Variants in IMMP2L observed in about 807,000 individuals in gnomAD.
IMMP2L encodes the protein inner mitochondrial membrane peptidase subunit 2.
A neutral mutation model predicts 19.3 loss-of-function variants in IMMP2L; 18 were observed. The ratio of observed to expected loss-of-function variants is 0.93; its 90% CI spans 0.64 to 1.38. The LOEUF (loss-of-function observed/expected upper bound fraction) is 1.38, where lower values mean the gene tolerates loss of function less well. Among genes scored for constraint, IMMP2L ranks in the 40% most tolerant of loss-of-function variants. IMMP2L has a pLI of 0.00. For missense variants in IMMP2L, 233 were observed against 218.2 expected, an observed-to-expected ratio of 1.07 and a Z score of -0.43; for synonymous variants, 76 against 73.0, an observed-to-expected ratio of 1.04 and a Z score of -0.21.
intron 3 of IMMP2L, among the ~76,000 whole-genome samples, chr7:111,366,330 A>G (rs1185535219): frequency 6.7e-6 from 1 of 150,052 alleles, no homozygotes; most frequent in Admixed American, 6.7e-5. Context: ...GAAGCATTCT[A>G]TTAAAAAAAG....
At chr7:111,185,971 G>T (rs921361405) in intron 3 of IMMP2L, among the ~76,000 whole-genome samples, 1 of 151,982 alleles carries the variant, frequency 6.6e-6, no homozygotes, top group African/African-American at 2.4e-5. Context: ...ACACTACTTT[G>T]AAACTATGAT....
At chr7:110,825,947 G>C (rs1457132280) in intron 5 of IMMP2L, among the ~76,000 whole-genome samples, 2 of 152,086 alleles carry the variant, frequency 1.3e-5, no homozygotes, top group East Asian at 3.9e-4. Flanking sequence ...ATCTGACAAA[G>C]GGCTTATATC....
At chr7:110,900,777 A>G (rs937048750) in intron 4 of IMMP2L, among the ~76,000 whole-genome samples, 13 of 152,128 alleles carry the variant, frequency 8.5e-5, no homozygotes, top group African/African-American at 2.9e-4. Context: ...TGCTATTGTG[A>G]CAACTAAAAA....
At chr7:111,022,193 A>AT (rs1206970169) in intron 3 of IMMP2L, among the ~76,000 whole-genome samples, 6 of 152,208 alleles carry the variant, frequency 3.9e-5, no homozygotes, top group African/African-American at 1.4e-4. Context: ...TCTAAATCTC[A>AT]TATTTCCTGC....
chr7:111,420,771 GT>G (rs1359150529), intron 3 of IMMP2L, among the ~76,000 whole-genome samples: 1 of 151,714 alleles, frequency 6.6e-6, no homozygotes, highest in African/African-American at 2.4e-5. Context: ...ATTCCATGGT[GT>G]ATAAGTGCCA....
intron 3 of IMMP2L, among the ~76,000 whole-genome samples, chr7:111,139,847 C>CAAAAGGAA (rs1802702825): frequency 6.6e-6 from 1 of 152,096 alleles, no homozygotes; most frequent in South Asian, 2.1e-4. Flanking sequence ...AATTTCCCAG[C>CAAAAGGAA]AAAAGGAAAA....
In IMMP2L at chr7:111,123,906, G is replaced by A; in HGVS notation, c.240-160341C>T. 6.2e-7 allele frequency: 1 copy of A among 1,613,992 alleles called. No individual in the cohort carries two copies. The highest frequency in any genetic ancestry group is 8.5e-7 in the Non-Finnish European group (1 of 1,179,992). ...TCAGGTGTGACTGTGTCATCCGTTG[G>A]ATGAACATGAACAAAACCAACATTC... On this transcript the variant is annotated intron_variant, in intron 3 of 5. Coordinates refer to ENST00000405709, the MANE Select transcript of IMMP2L (RefSeq NM_032549.4). The surrounding 1 kb of genome is among the most constrained non-coding windows in gnomAD (Gnocchi z 6.4).
intron 3 of IMMP2L, among the ~76,000 whole-genome samples, chr7:111,440,786 T>C (rs574745643): frequency 1.3e-5 from 2 of 152,042 alleles, no homozygotes; most frequent in South Asian, 4.1e-4. Flanking sequence ...TGGTATCTTC[T>C]TCCTATATAA....
intron 5 of IMMP2L, among the ~76,000 whole-genome samples, chr7:110,721,357 G>A (rs1335816796): frequency 4.0e-5 from 6 of 151,878 alleles, no homozygotes; most frequent in Admixed American, 1.3e-4. Context: ...AATTAAGGCC[G>A]GACATTTTTA....
chr7:111,069,504 T>C (rs1048179308), intron 3 of IMMP2L, among the ~76,000 whole-genome samples: 6 of 152,178 alleles, frequency 3.9e-5, no homozygotes, highest in African/African-American at 1.4e-4. Context: ...ACGTTCTGTT[T>C]CTAGGTAAAA....
intron 5 of IMMP2L, among the ~76,000 whole-genome samples, chr7:110,809,234 T>A (rs1801854000): frequency 6.6e-6 from 1 of 152,044 alleles, no homozygotes; most frequent in South Asian, 2.1e-4. Context: ...AATAATGTAT[T>A]TAGCTCACTG....
Position 111,313,685 on chromosome 7 carries a change from G to C in IMMP2L, c.239+173553C>G, listed in dbSNP as rs145244862. ...ATCAACTATAGGAGTTTTTACTCTC[G>C]TCAGGAAATAGAATCAGAGGAAACA... On this transcript the variant is annotated intron_variant, in intron 3 of 5. Coordinates refer to ENST00000405709, the MANE Select transcript of IMMP2L (RefSeq NM_032549.4). Among the ~76,000 whole-genome samples the C allele has an allele frequency of 1.3e-4, 20 of 151,982 alleles. No homozygotes were observed. The East Asian group carries it at 1.7e-3, about 13-fold the overall frequency.
chr7:110,805,554 A>T (rs988837831), intron 5 of IMMP2L, among the ~76,000 whole-genome samples: 1 of 152,080 alleles, frequency 6.6e-6, no homozygotes, highest in Non-Finnish European at 1.5e-5. Context: ...GTCATTTTTT[A>T]AAATAACATT....
At chr7:111,272,881 T>A (rs1684759436) in intron 3 of IMMP2L, among the ~76,000 whole-genome samples, 1 of 152,098 alleles carries the variant, frequency 6.6e-6, no homozygotes, top group South Asian at 2.1e-4. Context: ...CAGAAGTACA[T>A]AGCAAGAGTA....
At position 110,803,115 on chromosome 7, in the gene IMMP2L, G is replaced by T. The variant is rs1358434; in HGVS notation, c.408+83478C>A. ...ATAGATGAGTTTGTGTCTTAGCCTT[G>T]AAGGATGTATAGGATTAGGATAGGT... On this transcript the variant is annotated intron_variant, in intron 5 of 5. Transcript: ENST00000405709. The surrounding 1 kb of genome is among the most constrained non-coding windows in gnomAD (Gnocchi z 4.2). Among the ~76,000 whole-genome samples, 1 of 151,948 alleles carries T rather than the reference G, an allele frequency of 6.6e-6. No homozygotes were observed. Among genetic ancestry groups the T allele is most frequent in the African/African-American group, 2.4e-5 (1 of 41,392 alleles).
In IMMP2L at chr7:111,123,924, C is replaced by T. The variant is rs142935034; in HGVS notation, c.240-160359G>A. The T allele has an allele frequency of 1.2e-5, 19 of 1,613,830 alleles. No individual in the cohort carries two copies. The highest frequency in any genetic ancestry group is 1.5e-5 in the Non-Finnish European group (18 of 1,179,990). On this transcript the variant is annotated intron_variant, in intron 3 of 5. Coordinates refer to ENST00000405709, the MANE Select transcript of IMMP2L (RefSeq NM_032549.4). The surrounding 1 kb of genome is among the most constrained non-coding windows in gnomAD (Gnocchi z 6.4). ...TCCGTTGGATGAACATGAACAAAAC[C>T]AACATTCGATTCATGGAGCCAGATT...
At chr7:110,723,632 C>T (rs1795712924) in intron 5 of IMMP2L, among the ~76,000 whole-genome samples, 2 of 151,962 alleles carry the variant, frequency 1.3e-5, no homozygotes, top group African/African-American at 4.8e-5. Flanking sequence ...GGTAAGATAT[C>T]TTAATAAAAT....
chr7:111,173,246 T>C (rs914214480), intron 3 of IMMP2L, among the ~76,000 whole-genome samples: 1 of 151,632 alleles, frequency 6.6e-6, no homozygotes, highest in Non-Finnish European at 1.5e-5. Context: ...TCAGACTCTC[T>C]TTAGATGAAA....
At chr7:111,335,658 A>T (rs761007559) in intron 3 of IMMP2L, among the ~76,000 whole-genome samples, 27 of 152,154 alleles carry the variant, frequency 1.8e-4, no homozygotes, top group Non-Finnish European at 3.5e-4. Flanking sequence ...AGACTAGGAA[A>T]TACACATATC....
Sources: gnomAD v4.1 joint callset for allele counts (sites outside exome capture counted in the v4.1 genomes callset) on GRCh38, gnomAD v4.1.1 for gene constraint, Gnocchi (gnomAD v3.1) non-coding constraint, MANE v1.5 for transcripts, NCBI Gene and HGNC (gene_info 2026-07-23, HGNC 2026-07-21) for gene names.